Variants in NFIA observed in about 807,000 individuals in gnomAD.
NFIA encodes the protein nuclear factor I A.
A neutral mutation model predicts 62.8 loss-of-function variants in NFIA; 8 were observed. The observed-to-expected ratio is 0.13, with a 90% CI of 0.07 to 0.23. NFIA has a LOEUF of 0.23. NFIA is among the 10% of genes least tolerant of loss of function. NFIA has a pLI of 1.00. For missense variants in NFIA, 410 were observed against 642.1 expected (o/e 0.64, Z 3.91); for synonymous variants, 235 against 238.1 (o/e 0.99, Z 0.12).
In NFIA at chr1:61,332,880, A is replaced by T. The variant is rs1030029612; in HGVS notation, c.700+294A>T. Among the ~76,000 whole-genome samples the T allele has an allele frequency of 2.0e-5, 3 of 152,160 alleles. 1 individual carries two copies. The highest frequency in any genetic ancestry group is 6.5e-5 in the Admixed American group (1 of 15,278). ...TTAAAAGAATTTGTTTTTGACCTTT[A>T]AAAAATGCTAATGCCCTCAGTATGA... On this transcript the variant is annotated intron_variant, in intron 4 of 10. Transcript: ENST00000403491.
intron 2 of NFIA, among the ~76,000 whole-genome samples, chr1:61,140,575 C>G (rs1003794267): frequency 1.8e-4 from 28 of 151,982 alleles, no homozygotes; most frequent in African/African-American, 6.5e-4. Flanking sequence ...GGGAAAAATT[C>G]TATTTATAAA....
At position 61,456,293 on chromosome 1, in the gene NFIA, C is replaced by T. The variant is rs1200892493; in HGVS notation, c.*973C>T. 1 of 151,510 alleles carries T rather than the reference C, an allele frequency of 6.6e-6. No homozygotes were observed. The highest frequency in any genetic ancestry group is 1.9e-4 in the East Asian group (1 of 5,166). 9.4% of individuals were successfully genotyped at this position (151,510 alleles called of 1,614,324 possible). A position where few individuals can be genotyped will look rare whatever the true frequency, so the allele number is the denominator to read the frequency against. ...CTAAATTATTGGGGTAAAAAACAGC[C>T]TTGCAAGAAAAAGGGGAGCTATTTT... On this transcript the variant is annotated 3_prime_UTR_variant, in exon 11 of 11. Coordinates refer to ENST00000403491, the MANE Select transcript of NFIA (RefSeq NM_001134673.4).
intron 2 of NFIA, among the ~76,000 whole-genome samples, chr1:61,207,266 T>C (rs1453453106): frequency 6.6e-6 from 1 of 152,224 alleles, no homozygotes; most frequent in Non-Finnish European, 1.5e-5. Context: ...TTTATTTCTC[T>C]CAAATTTAGA....
chr1:61,106,811 C>G (rs973572164), intron 2 of NFIA, among the ~76,000 whole-genome samples: 1 of 151,526 alleles, frequency 6.6e-6, no homozygotes, highest in African/African-American at 2.4e-5. Context: ...GAAATTCCTC[C>G]TATTATCCTG....
chr1:61,162,004 G>A (rs547091755), intron 2 of NFIA, among the ~76,000 whole-genome samples: 1 of 152,314 alleles, frequency 6.6e-6, no homozygotes, highest in African/African-American at 2.4e-5. Context: ...ATAGACATCT[G>A]TAGTTATGAA....
chr1:61,114,831 A>C (rs1011350133), intron 2 of NFIA, among the ~76,000 whole-genome samples: 10 of 152,210 alleles, frequency 6.6e-5, no homozygotes, highest in Non-Finnish European at 1.0e-4. Context: ...AAAAGATTTG[A>C]TCTCAAACAC....
chr1:61,099,950 A>G (rs1471140401), intron 2 of NFIA, among the ~76,000 whole-genome samples: 2 of 152,144 alleles, frequency 1.3e-5, no homozygotes, highest in African/African-American at 2.4e-5. Flanking sequence ...AGTGGTTAGG[A>G]TTAGTAACTA....
chr1:61,370,804 GT>G (rs1230313920), intron 6 of NFIA, among the ~76,000 whole-genome samples: 1 of 152,124 alleles, frequency 6.6e-6, no homozygotes, highest in Non-Finnish European at 1.5e-5. Context: ...CAAGCATCTT[GT>G]TCCTCATTTT....
intron 2 of NFIA, among the ~76,000 whole-genome samples, chr1:61,268,184 A>G (rs7544358): frequency 0.13 from 20,017 of 152,152 alleles, 1,981 homozygotes; most frequent in African/African-American, 0.27. Flanking sequence ...TCAAGGGGAA[A>G]AGAAATTCCT....
At chr1:61,092,313 C>A (rs1375456636) in intron 2 of NFIA, among the ~76,000 whole-genome samples, 2 of 152,086 alleles carry the variant, frequency 1.3e-5, no homozygotes, top group African/African-American at 4.8e-5. Flanking sequence ...GTTAATTAGC[C>A]AGTGACAAAG....
intron 2 of NFIA, among the ~76,000 whole-genome samples, chr1:61,130,089 A>G (rs1041550846): frequency 6.6e-6 from 1 of 152,140 alleles, no homozygotes; most frequent in African/African-American, 2.4e-5. Context: ...TGCTTCAAGC[A>G]TGATAGTCTT....
At chr1:61,222,010 G>A (rs1190765058) in intron 2 of NFIA, among the ~76,000 whole-genome samples, 1 of 152,054 alleles carries the variant, frequency 6.6e-6, no homozygotes, top group Non-Finnish European at 1.5e-5. Flanking sequence ...AAAGCACTCT[G>A]AACTCTGTAC....
chr1:61,319,455 A>G (rs925923476), intron 3 of NFIA, among the ~76,000 whole-genome samples: 3 of 152,138 alleles, frequency 2.0e-5, no homozygotes, highest in African/African-American at 4.8e-5. Flanking sequence ...TACATTGTAC[A>G]AATGGTAGAA....
At chr1:61,192,028 C>T (rs1313476092) in intron 2 of NFIA, among the ~76,000 whole-genome samples, 7 of 151,672 alleles carry the variant, frequency 4.6e-5, no homozygotes, top group Admixed American at 6.6e-5. Flanking sequence ...GGTGCAGTCT[C>T]AGCTCACTGC....
intron 2 of NFIA, among the ~76,000 whole-genome samples, chr1:61,216,864 G>A (rs966280882): frequency 1.3e-5 from 2 of 151,926 alleles, no homozygotes; most frequent in East Asian, 4.0e-4. Context: ...GCTGGGCGTG[G>A]TGGTGGGTGC....
chr1:61,239,563 A>G lies in NFIA; in HGVS notation c.560-37957A>G, dbSNP rs75597719. Among the ~76,000 whole-genome samples, 649 of 152,278 alleles carry G rather than the reference A, an allele frequency of 4.3e-3. 5 individuals are homozygous for G. Among genetic ancestry groups the G allele is most frequent in the African/African-American group, 0.015 (633 of 41,576 alleles). On this transcript the variant is annotated intron_variant, in intron 2 of 10. Coordinates refer to ENST00000403491, the MANE Select transcript of NFIA (RefSeq NM_001134673.4). ...CTTGAAAAACTTTGGGGTAACTTCT[A>G]GCATGTTCTATGAATATAAGGTGAT...
chr1:61,426,394 T>G, intron 9 of NFIA, 71 bp from the exon 10 acceptor site: 1 of 1,005,806 alleles, frequency 9.9e-7, no homozygotes. Context: ...TCGGAGACTG[T>G]GTGTTTTGGT....
intron 2 of NFIA, among the ~76,000 whole-genome samples, chr1:61,225,644 C>T (rs1363212759): frequency 2.1e-5 from 3 of 142,098 alleles, no homozygotes; most frequent in African/African-American, 8.0e-5. Context: ...TTTGCTTGTT[C>T]GTATCTACGA....
At chr1:61,272,763 A>G (rs577764252) in intron 2 of NFIA, among the ~76,000 whole-genome samples, 4 of 152,308 alleles carry the variant, frequency 2.6e-5, no homozygotes, top group South Asian at 2.1e-4. Context: ...TATTTGCAGG[A>G]AAGTATTCAC....
Sources: allele counts gnomAD v4.1 joint callset (sites outside exome capture counted in the v4.1 genomes callset), GRCh38; gene constraint gnomAD v4.1.1; transcripts MANE v1.5; gene names NCBI Gene and HGNC (gene_info 2026-07-23, HGNC 2026-07-21).